The following PRKAA2 variants were observed in gnomAD, a reference collection of about 807,000 sequenced individuals.
PRKAA2 encodes 5'-AMP-activated protein kinase catalytic subunit alpha-2.
PRKAA2 carries 40 observed loss-of-function variants against 56.3 expected under a neutral mutation model. The observed-to-expected ratio is 0.71, with a 90% CI of 0.55 to 0.92. PRKAA2 has a LOEUF of 0.92. Ranked by LOEUF, PRKAA2 falls within the 40% of genes least tolerant of loss-of-function variation. PRKAA2 has a pLI of 0.00. For synonymous variants in PRKAA2, 214 were observed against 234.2 expected (o/e 0.91, Z 0.79); for missense variants, 542 against 686.9 (o/e 0.79, Z 2.36).
chr1:56,649,556 A>C (rs957565769), intron 1 of PRKAA2, among the ~76,000 whole-genome samples: 10 of 152,190 alleles, frequency 6.6e-5, no homozygotes, highest in Admixed American at 6.5e-4. Context: ...ATAGATAGAT[A>C]GATAGTTAGA....
At chr1:56,682,836 T>C (rs1400228760) in intron 2 of PRKAA2, among the ~76,000 whole-genome samples, 1 of 152,136 alleles carries the variant, frequency 6.6e-6, no homozygotes, top group East Asian at 1.9e-4. Flanking sequence ...TTAAATTAAT[T>C]AAAATGAAAA....
At chr1:56,664,341 G>A (rs897667586) in intron 1 of PRKAA2, among the ~76,000 whole-genome samples, 1 of 152,014 alleles carries the variant, frequency 6.6e-6, no homozygotes, top group African/African-American at 2.4e-5. Context: ...CCTCAAACTA[G>A]ATCCTGTTCA....
At chr1:56,688,922 C>T (rs776108041) in intron 2 of PRKAA2, among the ~76,000 whole-genome samples, 6 of 152,162 alleles carry the variant, frequency 3.9e-5, no homozygotes, top group Non-Finnish European at 7.4e-5. Context: ...CATTTAATAG[C>T]TTAGTGCCTG....
chr1:56,662,714 T>C (rs1644004590), intron 1 of PRKAA2, among the ~76,000 whole-genome samples: 1 of 152,270 alleles, frequency 6.6e-6, no homozygotes, highest in African/African-American at 2.4e-5. Flanking sequence ...CAGTCTTTTT[T>C]ACATGAGTAA....
At chr1:56,685,282 A>G (rs1403058312) in intron 2 of PRKAA2, among the ~76,000 whole-genome samples, 1 of 151,654 alleles carries the variant, frequency 6.6e-6, no homozygotes, top group Admixed American at 6.6e-5. Context: ...AAACAGTGAC[A>G]GTAGTAGCAA....
chr1:56,663,522 G>A (rs940671803), intron 1 of PRKAA2, among the ~76,000 whole-genome samples: 9 of 152,110 alleles, frequency 5.9e-5, no homozygotes, highest in Non-Finnish European at 7.4e-5. Context: ...ACAACTCTTC[G>A]AAGAAATGCT....
At chr1:56,678,135 A>C (rs1435204418) in intron 2 of PRKAA2, among the ~76,000 whole-genome samples, 1 of 152,244 alleles carries the variant, frequency 6.6e-6, no homozygotes, top group Non-Finnish European at 1.5e-5. Context: ...GGCAGAGGTG[A>C]ATTTGCAGTT....
chr1:56,660,413 G>T (rs1643984853), intron 1 of PRKAA2, among the ~76,000 whole-genome samples: 1 of 152,086 alleles, frequency 6.6e-6, no homozygotes, highest in South Asian at 2.1e-4. Flanking sequence ...ACTTCTTGAT[G>T]ACTAACCTTA....
intron 2 of PRKAA2, among the ~76,000 whole-genome samples, chr1:56,687,845 T>A (rs1243547881): frequency 1.3e-5 from 2 of 152,236 alleles, no homozygotes; most frequent in Non-Finnish European, 2.9e-5. Context: ...TTGATTTTCA[T>A]ATACTATTTT....
chr1:56,663,362 C>A (rs1644010148), intron 1 of PRKAA2, among the ~76,000 whole-genome samples: 1 of 152,192 alleles, frequency 6.6e-6, no homozygotes, highest in Non-Finnish European at 1.5e-5. Context: ...TGTTGGGATT[C>A]ACAGGTGTGA....
At chr1:56,686,179 A>G (rs1644189450) in intron 2 of PRKAA2, among the ~76,000 whole-genome samples, 1 of 152,238 alleles carries the variant, frequency 6.6e-6, no homozygotes, top group Non-Finnish European at 1.5e-5. Flanking sequence ...TGTCAACTCA[A>G]TAAGCATGGG....
At position 56,651,583 on chromosome 1, in the gene PRKAA2, A is replaced by T. The variant is rs372298305; in HGVS notation, c.94+6102A>T. Among the ~76,000 whole-genome samples the T allele has an allele frequency of 3.0e-4, 45 of 152,348 alleles. 1 individual carries two copies. In the South Asian group the frequency reaches 8.3e-3, roughly 28 times the overall value. ...TGTTCTGAGTTTCAAACCTACAAGGATATAATTTTCTATGTCTGCTCATAT... is the reference window on the plus strand; with the variant it reads ...TGTTCTGAGTTTCAAACCTACAAGGTTATAATTTTCTATGTCTGCTCATAT... On this transcript the variant is annotated intron_variant, in intron 1 of 8. Transcript: ENST00000371244.
chr1:56,672,681 G>A (rs1405372757), intron 1 of PRKAA2, among the ~76,000 whole-genome samples: 1 of 152,136 alleles, frequency 6.6e-6, no homozygotes, highest in Non-Finnish European at 1.5e-5. Context: ...CCAAAAAGAG[G>A]TATGGTGTCT....
intron 1 of PRKAA2, among the ~76,000 whole-genome samples, chr1:56,648,448 A>G (rs1569696515): frequency 6.6e-6 from 1 of 152,214 alleles, no homozygotes. Flanking sequence ...CATTTTGTCT[A>G]TACAAAACCA....
At chr1:56,697,997 A>G (rs951276325) in intron 6 of PRKAA2, among the ~76,000 whole-genome samples, 2 of 151,260 alleles carry the variant, frequency 1.3e-5, no homozygotes, top group Admixed American at 6.6e-5. Context: ...TATAGTTTTC[A>G]TCTTTTTAAA....
At position 56,655,280 on chromosome 1, in the gene PRKAA2, A is replaced by ATATATATATATAT; in HGVS notation, c.94+9800_94+9801insATATATATATATT. Among the ~76,000 whole-genome samples the ATATATATATATAT allele has an allele frequency of 3.7e-3, 345 of 93,648 alleles. 3 individuals are homozygous for ATATATATATATAT. Among genetic ancestry groups the ATATATATATATAT allele is most frequent in the Non-Finnish European group, 5.2e-3 (270 of 51,832 alleles). The allele number at this position is 93,648 out of a possible 152,430, so 61.4% of individuals were successfully genotyped here. A position where few individuals can be genotyped will look rare whatever the true frequency, so the allele number is the denominator to read the frequency against. The stretch of plus-strand genomic sequence containing the variant: ...TGTATTTATATATCTATATATATAT[A>ATATATATATATAT]TTTTTTTTTTTTTTTTGTAGAGACA... On this transcript the variant is annotated intron_variant, in intron 1 of 8. Transcript: ENST00000371244.
At chr1:56,697,691 AG>A (rs1038197040) in intron 6 of PRKAA2, among the ~76,000 whole-genome samples, 2 of 152,104 alleles carry the variant, frequency 1.3e-5, no homozygotes, top group Non-Finnish European at 1.5e-5. Context: ...GGCTGGGGGC[AG>A]TGTCTCATGC....
intron 1 of PRKAA2, among the ~76,000 whole-genome samples, chr1:56,653,514 T>C (rs1643917024): frequency 6.6e-6 from 1 of 152,126 alleles, no homozygotes; most frequent in Admixed American, 6.5e-5. Context: ...AAACCAGCTA[T>C]GTGGTCAAAC....
chr1:56,705,047 C>A (rs556029515), intron 7 of PRKAA2, among the ~76,000 whole-genome samples: 2 of 152,174 alleles, frequency 1.3e-5, no homozygotes, highest in African/African-American at 4.8e-5. Context: ...CATTTGAGTT[C>A]TATTTGAATA....
Sources: gnomAD v4.1 joint callset for allele counts (sites outside exome capture counted in the v4.1 genomes callset) on GRCh38, gnomAD v4.1.1 for gene constraint, MANE v1.5 for transcripts, NCBI Gene and HGNC (gene_info 2026-07-23, HGNC 2026-07-21) for gene names.